Variants in CFTR observed in about 807,000 individuals in gnomAD.
The protein encoded by CFTR is cystic fibrosis transmembrane conductance regulator.
A neutral mutation model predicts 171.6 loss-of-function variants in CFTR; 181 were observed. The ratio of observed to expected loss-of-function variants is 1.05; its 90% CI spans 0.93 to 1.19. CFTR has a LOEUF of 1.19. Ranked by LOEUF, CFTR falls within the 50% of genes most tolerant of loss-of-function variation. The pLI is 0.00. For synonymous variants in CFTR, 583 were observed against 608.0 expected (o/e 0.96, Z 0.60); for missense variants, 1,968 against 1,734.7 (o/e 1.13, Z -2.39).
At chr7:117,664,890 G>A in intron 25 of CFTR, 30 bp downstream of exon 25, 4 of 1,608,244 alleles carry the variant, frequency 2.5e-6, no homozygotes, top group Non-Finnish European at 3.4e-6. Context: ...TTACTTAATA[G>A]CACAGTGGGA....
intron 3 of CFTR, among the ~76,000 whole-genome samples, chr7:117,517,653 A>G (rs1236039344): frequency 1.3e-5 from 2 of 152,198 alleles, no homozygotes; most frequent in African/African-American, 2.4e-5. Flanking sequence ...CAATGGTTGA[A>G]TTAATTTACA....
intron 1 of CFTR, among the ~76,000 whole-genome samples, chr7:117,489,071 C>T (rs1798117432): frequency 6.6e-6 from 1 of 151,644 alleles, no homozygotes; most frequent in Non-Finnish European, 1.5e-5. Context: ...GAAAAAAAAA[C>T]AGGTAATATT....
At chr7:117,514,344 T>C (rs1157577746) in intron 3 of CFTR, among the ~76,000 whole-genome samples, 2 of 152,134 alleles carry the variant, frequency 1.3e-5, no homozygotes, top group African/African-American at 4.8e-5. Context: ...GTGTATGTTG[T>C]TCCCCTCTCT....
chr7:117,612,223 A>T (rs898116982), intron 20 of CFTR, among the ~76,000 whole-genome samples: 22 of 138,516 alleles, frequency 1.6e-4, no homozygotes, highest in Non-Finnish European at 3.2e-4. Context: ...GGGAAATGAA[A>T]CATCCGCATT....
chr7:117,556,808 C>T (rs999125368), intron 10 of CFTR, among the ~76,000 whole-genome samples: 4 of 151,584 alleles, frequency 2.6e-5, no homozygotes, highest in Non-Finnish European at 4.4e-5. Flanking sequence ...CGTGAGCCAC[C>T]GCGCCCGGCC....
chr7:117,504,480 A>G, intron 2 of CFTR, 117 bp downstream of exon 2: 1 of 670,334 alleles, frequency 1.5e-6, no homozygotes, highest in Non-Finnish European at 2.7e-6. Flanking sequence ...GGAGCCAAGT[A>G]TGGTGGCTAA....
chr7:117,523,747 A>T (rs1798723333), intron 3 of CFTR, among the ~76,000 whole-genome samples: 1 of 152,236 alleles, frequency 6.6e-6, no homozygotes, highest in Non-Finnish European at 1.5e-5. Flanking sequence ...TTTGTTGTAA[A>T]TTACAACTGA....
At chr7:117,513,216 A>G (rs1798548960) in intron 3 of CFTR, among the ~76,000 whole-genome samples, 1 of 152,168 alleles carries the variant, frequency 6.6e-6, no homozygotes. Context: ...GGAAGCTTGT[A>G]TACCATCTTG....
intron 11 of CFTR, among the ~76,000 whole-genome samples, chr7:117,581,792 C>G (rs145739042): frequency 6.6e-6 from 1 of 152,016 alleles, no homozygotes; most frequent in Non-Finnish European, 1.5e-5. Flanking sequence ...ACTCTGTCAC[C>G]CAGGCTGGAG....
chr7:117,480,523 T>C (rs150373882), intron 1 of CFTR, among the ~76,000 whole-genome samples: 2 of 152,344 alleles, frequency 1.3e-5, no homozygotes, highest in African/African-American at 2.4e-5. Context: ...GATTGTCTTC[T>C]TGGCACATAC....
chr7:117,536,762 A>C, intron 7 of CFTR, 89 bp downstream of exon 7: 1 of 1,095,762 alleles, frequency 9.1e-7, no homozygotes, highest in Admixed American at 1.9e-5. Flanking sequence ...TCCACCTCAT[A>C]TTTGATGTTT....
chr7:117,544,833 C>T (rs892669446), intron 9 of CFTR, among the ~76,000 whole-genome samples: 4 of 152,202 alleles, frequency 2.6e-5, no homozygotes, highest in Admixed American at 2.6e-4. Context: ...ATAGATTCTG[C>T]TATCACCAAT....
chr7:117,654,613 T>C (rs1160504550), intron 24 of CFTR, among the ~76,000 whole-genome samples: 1 of 152,102 alleles, frequency 6.6e-6, no homozygotes, highest in Non-Finnish European at 1.5e-5. Context: ...CATAAGGCAG[T>C]TTTCCCTGCT....
At chr7:117,624,172 G>T (rs551784073) in intron 21 of CFTR, among the ~76,000 whole-genome samples, 1 of 152,300 alleles carries the variant, frequency 6.6e-6, no homozygotes, top group African/African-American at 2.4e-5. Context: ...CTGAGTGAAA[G>T]AAATAATATC....
intron 11 of CFTR, 109 bp from the exon 12 acceptor site, chr7:117,587,630 G>T: frequency 1.4e-6 from 1 of 706,564 alleles, no homozygotes; most frequent in East Asian, 2.6e-5. Context: ...TTTCAACTGT[G>T]GTTAAAGCAA....
In CFTR at chr7:117,628,278, A is replaced by G. The variant is rs569431281; in HGVS notation, c.3717+508A>G. ...TTACTATATTTATTAAGCATGAGTA[A>G]TTGACATTATTTTGAAATCCTTCTT... On this transcript the variant is annotated intron_variant, in intron 22 of 26. Coordinates refer to ENST00000003084, the MANE Select transcript of CFTR (RefSeq NM_000492.4). Among the ~76,000 whole-genome samples the G allele has an allele frequency of 5.3e-5, 8 of 152,252 alleles. No individual in the cohort carries two copies. The South Asian group carries it at 1.2e-3, about 24-fold the overall frequency.
chr7:117,612,006 GATATATATATATATATGTATATAT>G (rs1442324491), intron 20 of CFTR, among the ~76,000 whole-genome samples, 198 bp downstream of exon 20: 1 of 76,796 alleles, frequency 1.3e-5, no homozygotes, highest in Non-Finnish European at 2.6e-5. Flanking sequence ...CTTGAAATCG[GATATATATATATATATGTATATAT>G]ATATATATAT....
chr7:117,523,375 TTTTTTG>T (rs1360004711), intron 3 of CFTR, among the ~76,000 whole-genome samples: 8 of 138,044 alleles, frequency 5.8e-5, no homozygotes, highest in South Asian at 2.6e-4. Flanking sequence ...TTTTGTTTTG[TTTTTTG>T]TTTTTTTTTT....
intron 9 of CFTR, among the ~76,000 whole-genome samples, chr7:117,544,857 T>C (rs1172569969): frequency 6.6e-6 from 1 of 152,236 alleles, no homozygotes; most frequent in Non-Finnish European, 1.5e-5. Flanking sequence ...TTAAAACTGT[T>C]ATACTCTTGT....
Sources: allele counts gnomAD v4.1 joint callset (sites outside exome capture counted in the v4.1 genomes callset), GRCh38; gene constraint gnomAD v4.1.1; transcripts MANE v1.5; gene names NCBI Gene and HGNC (gene_info 2026-07-23, HGNC 2026-07-21).